The following DDX19B variants were observed in gnomAD, a reference collection of about 807,000 sequenced individuals.
DDX19B encodes DEAD-box helicase 19B, also known as ATP-dependent RNA helicase DDX19B.
In DDX19B, 27 loss-of-function variants were observed where a neutral mutation model predicts 58.1. The ratio of observed to expected loss-of-function variants is 0.46; its 90% confidence interval spans 0.34 to 0.64. The LOEUF (loss-of-function observed/expected upper bound fraction) is 0.64, where lower values mean the gene tolerates loss of function less well. DDX19B is among the 30% of genes least tolerant of loss of function. The pLI, the probability that DDX19B is intolerant of heterozygous loss-of-function variation, is 0.01. For missense variants in DDX19B, 399 were observed against 596.5 expected, an observed-to-expected ratio of 0.67 and a Z score of 3.45; for synonymous variants, 187 against 214.4, an observed-to-expected ratio of 0.87 and a Z score of 1.12.
intron 5 of DDX19B, among the ~76,000 whole-genome samples, chr16:70,318,480 A>G (rs1018557686): frequency 9.9e-5 from 15 of 152,028 alleles, no homozygotes; most frequent in African/African-American, 3.6e-4. Flanking sequence ...CTCTATGTAA[A>G]CATATAACTT....
At chr16:70,304,695 C>T (rs1961667887) in intron 1 of DDX19B, among the ~76,000 whole-genome samples, 1 of 152,100 alleles carries the variant, frequency 6.6e-6, no homozygotes, top group Non-Finnish European at 1.5e-5. Context: ...ATTGTTCCAG[C>T]ACCATTCGTT....
chr16:70,313,544 C>G (rs560867763), intron 2 of DDX19B, among the ~76,000 whole-genome samples: 1 of 152,164 alleles, frequency 6.6e-6, no homozygotes, highest in African/African-American at 2.4e-5. Flanking sequence ...GGACTAATTA[C>G]TAACCATCGG....
At chr16:70,332,386 C>T (rs537086293) in intron 10 of DDX19B, among the ~76,000 whole-genome samples, 9 of 152,254 alleles carry the variant, frequency 5.9e-5, no homozygotes, top group Non-Finnish European at 5.9e-5. Context: ...CTGTAACCTC[C>T]GCCTCTCAGG....
Position 70,317,522 on chromosome 16 carries a change from A to G in DDX19B, c.323A>G (p.Tyr108Cys), listed in dbSNP as rs1158447296. 4 of 1,613,442 alleles carry G rather than the reference A, an allele frequency of 2.5e-6. No homozygotes were observed. The Admixed American group carries it at 6.7e-5, about 27-fold the overall frequency. The change falls in exon 5 of 12, where the codon TAT becomes TGT. Residue 108 changes from tyrosine to cysteine, a missense_variant. Tyr to Cys is a radical substitution (Grantham distance 194). Transcript: ENST00000288071. The part of the protein sequence containing the change: ...RLKPQLLQGV[Y>C]AMGFNRPSKI... ...AAACCACAGCTTCTCCAAGGAGTCT[A>G]TGCCATGGGTTTCAATCGTCCATCC...
chr16:70,331,984 G>A, intron 10 of DDX19B, 100 bp downstream of exon 10: 1 of 1,502,070 alleles, frequency 6.7e-7, no homozygotes, highest in Non-Finnish European at 8.9e-7. Context: ...ATGGTCTCAG[G>A]GAGATGGGTG....
At chr16:70,328,400 G>A (rs1341154093) in intron 7 of DDX19B, among the ~76,000 whole-genome samples, 2 of 127,818 alleles carry the variant, frequency 1.6e-5, no homozygotes, top group African/African-American at 3.0e-5. Context: ...GTCTCAGTCT[G>A]TCTCCGGGCT....
chr16:70,331,355 G>A (rs1188635808), intron 9 of DDX19B, among the ~76,000 whole-genome samples: 6 of 152,118 alleles, frequency 3.9e-5, no homozygotes, highest in African/African-American at 1.4e-4. Flanking sequence ...CAAGAACATA[G>A]ACTATTTAGG....
intron 8 of DDX19B, 89 bp from the exon 9 acceptor site, chr16:70,329,742 G>T: frequency 6.5e-7 from 1 of 1,549,780 alleles, no homozygotes; most frequent in South Asian, 1.2e-5. Flanking sequence ...CAGCCTTCCT[G>T]GGCATCTAGA....
At chr16:70,324,733 G>A (rs748168943) in intron 6 of DDX19B, 46 bp downstream of exon 6, 2 of 1,554,286 alleles carry the variant, frequency 1.3e-6, no homozygotes, top group Admixed American at 1.9e-5. Context: ...ATAGATAGAA[G>A]GGGATTTCCA....
At chr16:70,307,393 C>T (rs111363299) in intron 1 of DDX19B, among the ~76,000 whole-genome samples, 12 of 152,214 alleles carry the variant, frequency 7.9e-5, no homozygotes, top group African/African-American at 2.9e-4. Context: ...ACAAGAGTCT[C>T]GCACTGTCTC....
At chr16:70,316,811 C>A (rs533382226) in intron 4 of DDX19B, among the ~76,000 whole-genome samples, 1 of 152,258 alleles carries the variant, frequency 6.6e-6, no homozygotes, top group Non-Finnish European at 1.5e-5. Flanking sequence ...TGGCTCATGC[C>A]TGTAATCCCA....
chr16:70,319,956 G>A (rs1166098175), intron 5 of DDX19B, among the ~76,000 whole-genome samples: 1 of 152,070 alleles, frequency 6.6e-6, no homozygotes, highest in Non-Finnish European at 1.5e-5. Context: ...TTTTTGTTCT[G>A]TGTCATAACA....
rs140996714 is a variant in DDX19B, at chr16:70,333,481, A to G, written c.1379-40A>G. The G allele has an allele frequency of 6.4e-4, 1,029 of 1,613,948 alleles. 16 individuals are homozygous for G. In the East Asian group the frequency reaches 0.018, roughly 29 times the overall value. On this transcript the variant is annotated intron_variant, in intron 11 of 11. Coordinates refer to ENST00000288071, the MANE Select transcript of DDX19B (RefSeq NM_007242.7). ...ATTGCTGTGGCCCAAGATGGGGCACATTCCTGGGCAGGGTAGAGACCTGTG... is the reference window on the plus strand; with the variant it reads ...ATTGCTGTGGCCCAAGATGGGGCACGTTCCTGGGCAGGGTAGAGACCTGTG...
At chr16:70,292,876 C>A (rs1006831591), upstream of DDX19B, among the ~76,000 whole-genome samples, 5 of 151,966 alleles carry the variant, frequency 3.3e-5, no homozygotes, top group African/African-American at 9.7e-5. Flanking sequence ...GAGGCCGAGG[C>A]GGGCAGATCA....
intron 2 of DDX19B, among the ~76,000 whole-genome samples, chr16:70,313,705 A>G (rs902822253): frequency 6.6e-6 from 1 of 152,214 alleles, no homozygotes; most frequent in African/African-American, 2.4e-5. Context: ...TTGTTGATGT[A>G]CTTAATATTA....
At position 70,331,779 on chromosome 16, in the gene DDX19B, G is replaced by A; in HGVS notation, c.1081G>A (p.Ala361Thr). 1 of 1,614,204 alleles carries A rather than the reference G, an allele frequency of 6.2e-7. No homozygotes were observed. Among genetic ancestry groups the A allele is most frequent in the Non-Finnish European group, 8.5e-7 (1 of 1,180,040 alleles). ...AELSKEGHQV[A>T]LLSGEMMVEQ... The stretch of plus-strand genomic sequence containing the variant: ...GCTCTCAAAAGAAGGCCACCAGGTG[G>A]CTCTGCTGAGTGGGGAGATGATGGT... The change falls in exon 10 of 12, where the codon GCT becomes ACT. Residue 361 changes from alanine (A) to threonine (T), a missense_variant. This residue lies in a region of DDX19B where 198 missense variants were observed against 345.9 expected (regional missense o/e 0.57). Coordinates refer to ENST00000288071, the MANE Select transcript of DDX19B (RefSeq NM_007242.7).
upstream of DDX19B, chr16:70,299,007 C>A: frequency 3.5e-6 from 2 of 565,530 alleles, no homozygotes; most frequent in Non-Finnish European, 5.3e-6. Context: ...GGTTGGAGAT[C>A]CAAGTTAACC....
At chr16:70,332,271 C>G (rs951544458) in intron 10 of DDX19B, among the ~76,000 whole-genome samples, 2 of 152,120 alleles carry the variant, frequency 1.3e-5, no homozygotes, top group African/African-American at 4.8e-5. Context: ...CTCTCTTGTA[C>G]CCAATTCCCA....
upstream of DDX19B, among the ~76,000 whole-genome samples, chr16:70,297,770 G>C (rs1961281980): frequency 6.6e-6 from 1 of 152,076 alleles, no homozygotes; most frequent in Non-Finnish European, 1.5e-5. Context: ...GCGCAGACTA[G>C]AGTGCAGTGA....
Sources: allele counts gnomAD v4.1 joint callset (sites outside exome capture counted in the v4.1 genomes callset), GRCh38; gene constraint gnomAD v4.1.1; regional missense constraint gnomAD v4.1.1; transcripts MANE v1.5; gene names NCBI Gene and HGNC (gene_info 2026-07-23, HGNC 2026-07-21).